PPP1R12B: variants seen among roughly 807,000 people sequenced by gnomAD.
The protein encoded by PPP1R12B is myosin phosphatase target subunit 2.
Under a neutral mutation model 126.1 loss-of-function variants are expected in PPP1R12B, and 76 were observed. That is an observed-to-expected ratio of 0.60 (90% confidence interval 0.50 to 0.73). PPP1R12B has a LOEUF of 0.73. Among genes scored for constraint, PPP1R12B ranks in the 30% least tolerant of loss-of-function variants. The probability of loss-of-function intolerance (pLI) is 0.00; values close to 1 mark genes in which losing one functional copy is unlikely to be tolerated. For missense variants in PPP1R12B, 1,052 were observed against 1,205.1 expected (o/e 0.87, Z 1.88); for synonymous variants, 356 against 434.7 (o/e 0.82, Z 2.25).
intron 23 of PPP1R12B, among the ~76,000 whole-genome samples, chr1:202,571,135 A>G (rs975690393): frequency 1.3e-5 from 2 of 152,110 alleles, no homozygotes; most frequent in African/African-American, 4.8e-5. Context: ...GCCCTTTGTT[A>G]TTTTTATTCC....
intron 1 of PPP1R12B, among the ~76,000 whole-genome samples, chr1:202,378,938 T>C (rs1661738029): frequency 2.0e-5 from 3 of 152,210 alleles, no homozygotes; most frequent in African/African-American, 7.2e-5. Flanking sequence ...ACGATTCCTC[T>C]TCCATTGCCC....
chr1:202,562,907 C>G lies in PPP1R12B; in HGVS notation c.2637C>G (p.Asn879Lys), dbSNP rs779529559. The G allele has an allele frequency of 7.6e-6, 12 of 1,576,592 alleles. No homozygotes were observed. The highest frequency in any genetic ancestry group is 1.0e-5 in the Non-Finnish European group (12 of 1,166,290). Reference protein sequence around the residue: ...TLTSRVEEDSNRDYKKLYESA... With the variant: ...TLTSRVEEDSKRDYKKLYESA... ...CCAGCCGTGTAGAAGAAGACAGCAA[C>G]AGAGATTATAAAAAAGTAGGGTCTT... The change falls in exon 20 of 24, where the codon AAC becomes AAG. Residue 879 changes from asparagine (N) to lysine (K), a missense_variant. By Grantham distance (94) the Asn-to-Lys change is moderately conservative. Coordinates refer to ENST00000608999, the MANE Select transcript of PPP1R12B (RefSeq NM_002481.4).
At chr1:202,548,340 AAGTC>A (rs1685864948) in intron 18 of PPP1R12B, among the ~76,000 whole-genome samples, 1 of 152,178 alleles carries the variant, frequency 6.6e-6, no homozygotes, top group African/African-American at 2.4e-5. Context: ...GATTAGTAAA[AAGTC>A]AGAATGTTTT....
At chr1:202,483,103 G>A (rs951425331) in intron 13 of PPP1R12B, among the ~76,000 whole-genome samples, 7 of 152,036 alleles carry the variant, frequency 4.6e-5, no homozygotes, top group Non-Finnish European at 8.8e-5. Flanking sequence ...ATTGGTCTAC[G>A]TGTCTGTTTT....
At chr1:202,564,394 G>T in intron 20 of PPP1R12B, 49 bp from the exon 21 acceptor site, 5 of 1,367,040 alleles carry the variant, frequency 3.7e-6, no homozygotes, top group East Asian at 4.7e-5. Context: ...TGATGAAATG[G>T]TGTGAGTTCT....
chr1:202,384,877 C>T (rs1287778969), intron 1 of PPP1R12B, among the ~76,000 whole-genome samples: 1 of 152,230 alleles, frequency 6.6e-6, no homozygotes, highest in Non-Finnish European at 1.5e-5. Context: ...TTCAAAGTGA[C>T]TGGCTATGCC....
chr1:202,378,118 G>A (rs1238334401), intron 1 of PPP1R12B, among the ~76,000 whole-genome samples: 1 of 152,048 alleles, frequency 6.6e-6, no homozygotes, highest in East Asian at 1.9e-4. Flanking sequence ...GATTACAGGC[G>A]TGAGCCACCG....
At chr1:202,442,911 CAG>C in intron 12 of PPP1R12B, among the ~76,000 whole-genome samples, 1 of 147,066 alleles carries the variant, frequency 6.8e-6, no homozygotes, top group Admixed American at 7.0e-5. Flanking sequence ...TTATCTGAAA[CAG>C]AGTAGTTCTC....
At chr1:202,397,218 A>C (rs1240397080) in intron 1 of PPP1R12B, among the ~76,000 whole-genome samples, 1 of 152,180 alleles carries the variant, frequency 6.6e-6, no homozygotes. Context: ...TTTCAAGCTC[A>C]GGTCCTCCGT....
chr1:202,525,763 T>G (rs1286892556), intron 18 of PPP1R12B, among the ~76,000 whole-genome samples: 1 of 152,074 alleles, frequency 6.6e-6, no homozygotes, highest in Non-Finnish European at 1.5e-5. Flanking sequence ...AATGGTGCAA[T>G]CTTGGCTTAC....
chr1:202,350,226 C>T (rs1254454971), intron 1 of PPP1R12B, among the ~76,000 whole-genome samples: 1 of 152,192 alleles, frequency 6.6e-6, no homozygotes. Flanking sequence ...GAAACTCTTT[C>T]ACCCTATTTT....
At chr1:202,364,926 G>T (rs1658922886) in intron 1 of PPP1R12B, among the ~76,000 whole-genome samples, 2 of 151,688 alleles carry the variant, frequency 1.3e-5, no homozygotes, top group African/African-American at 4.8e-5. Flanking sequence ...TGCCCAGGCA[G>T]GTCTTGAACT....
chr1:202,398,796 A>G (rs1665378556), intron 1 of PPP1R12B, among the ~76,000 whole-genome samples: 1 of 152,122 alleles, frequency 6.6e-6, no homozygotes, highest in African/African-American at 2.4e-5. Flanking sequence ...TAGCTGAAAA[A>G]GCATACTTCT....
intron 1 of PPP1R12B, among the ~76,000 whole-genome samples, chr1:202,399,585 C>G (rs1665517382): frequency 6.6e-6 from 1 of 151,806 alleles, no homozygotes; most frequent in Non-Finnish European, 1.5e-5. Context: ...CAAGCTCCAC[C>G]TCCTGGGTTC....
At chr1:202,490,211 A>G (rs1399687847) in intron 14 of PPP1R12B, among the ~76,000 whole-genome samples, 2 of 152,250 alleles carry the variant, frequency 1.3e-5, no homozygotes, top group African/African-American at 4.8e-5. Flanking sequence ...TAGTAGCAGC[A>G]TGGAAGTGAA....
intron 1 of PPP1R12B, among the ~76,000 whole-genome samples, chr1:202,355,017 C>T (rs138663345): frequency 0.015 from 2,303 of 151,792 alleles, 70 homozygotes; most frequent in African/African-American, 0.053. Flanking sequence ...TTAGTAGAGA[C>T]GGGGTTTTGG....
At chr1:202,402,645 A>G (rs1015826930) in intron 1 of PPP1R12B, among the ~76,000 whole-genome samples, 14 of 152,210 alleles carry the variant, frequency 9.2e-5, no homozygotes, top group African/African-American at 3.1e-4. Flanking sequence ...GAGGTCAACT[A>G]TGTTTCTGCT....
At chr1:202,531,042 A>C (rs937562435) in intron 18 of PPP1R12B, among the ~76,000 whole-genome samples, 41 of 152,324 alleles carry the variant, frequency 2.7e-4, no homozygotes, top group Non-Finnish European at 5.4e-4. Flanking sequence ...AGTTATCATT[A>C]TTGATCTTCT....
intron 19 of PPP1R12B, among the ~76,000 whole-genome samples, chr1:202,561,029 TA>T (rs955566717): frequency 2.2e-4 from 33 of 147,630 alleles, no homozygotes; most frequent in African/African-American, 5.1e-4. Flanking sequence ...AAAATAAAAA[TA>T]AAAAAAATAA....
Sources: gnomAD v4.1 joint callset for allele counts (sites outside exome capture counted in the v4.1 genomes callset) on GRCh38, gnomAD v4.1.1 for gene constraint, MANE v1.5 for transcripts, NCBI Gene and HGNC (gene_info 2026-07-23, HGNC 2026-07-21) for gene names.